Variants in TMEM132D observed in about 807,000 individuals in gnomAD.
TMEM132D encodes the protein mature OL transmembrane protein.
In TMEM132D, 21 loss-of-function variants were observed where a neutral mutation model predicts 62.3. The ratio of observed to expected loss-of-function variants is 0.34; its 90% CI spans 0.24 to 0.49. The LOEUF (loss-of-function observed/expected upper bound fraction) is 0.49, where lower values mean the gene tolerates loss of function less well. Among genes scored for constraint, TMEM132D ranks in the 20% least tolerant of loss-of-function variants. The pLI is 0.99. For synonymous variants in TMEM132D, 621 were observed against 575.6 expected, an observed-to-expected ratio of 1.08 and a Z score of -1.13; for missense variants, 1,346 against 1,402.8, an observed-to-expected ratio of 0.96 and a Z score of 0.65.
intron 2 of TMEM132D, among the ~76,000 whole-genome samples, chr12:129,643,321 G>A (rs555384004): frequency 1.6e-4 from 25 of 152,178 alleles, no homozygotes; most frequent in African/African-American, 5.3e-4. Flanking sequence ...CACCACTAGC[G>A]CAGTGTTTGG....
intron 3 of TMEM132D, among the ~76,000 whole-genome samples, chr12:129,427,705 A>C (rs1475028932): frequency 6.6e-6 from 1 of 152,090 alleles, no homozygotes; most frequent in Admixed American, 6.5e-5. Context: ...GAAGAAAGAA[A>C]ATCTTGTAAA....
chr12:129,389,211 T>A (rs1262643060), intron 3 of TMEM132D, among the ~76,000 whole-genome samples: 4 of 151,328 alleles, frequency 2.6e-5, no homozygotes, highest in Non-Finnish European at 5.9e-5. Context: ...GACTAATACA[T>A]GAACAGTAAA....
At chr12:129,543,827 T>C (rs961062310) in intron 2 of TMEM132D, among the ~76,000 whole-genome samples, 1 of 152,230 alleles carries the variant, frequency 6.6e-6, no homozygotes, top group African/African-American at 2.4e-5. Context: ...CTGCATTCTT[T>C]TTTCTACACA....
intron 5 of TMEM132D, among the ~76,000 whole-genome samples, chr12:129,187,270 G>A (rs1878245611): frequency 6.6e-6 from 1 of 152,184 alleles, no homozygotes; most frequent in Admixed American, 6.5e-5. Context: ...TATATAAGAG[G>A]TAAATCAACT....
intron 4 of TMEM132D, among the ~76,000 whole-genome samples, chr12:129,312,378 A>G (rs1881996970): frequency 6.6e-6 from 1 of 152,202 alleles, no homozygotes. Context: ...GAATATGGAA[A>G]GCATGTTATA....
chr12:129,437,895 C>T (rs1301260137), intron 3 of TMEM132D, among the ~76,000 whole-genome samples: 7 of 146,346 alleles, frequency 4.8e-5, no homozygotes, highest in African/African-American at 1.8e-4. Context: ...CCCCAGCCCC[C>T]CTCCCCCCGA....
rs534993961 is a variant in TMEM132D, at chr12:129,145,931, C to A, written c.1444-61229G>T. On this transcript the variant is annotated intron_variant, in intron 5 of 8. Coordinates refer to ENST00000422113, the MANE Select transcript of TMEM132D (RefSeq NM_133448.3). ...TAGAGACAGAAACTAAAAACCATGG[C>A]TTCAAGCGACTAAAAGCCTAAAACA... 2.6e-5 allele frequency among the ~76,000 whole-genome samples: 4 copies of A among 152,280 alleles called. No homozygotes were observed. In the East Asian group the frequency reaches 5.8e-4, roughly 22 times the overall value.
chr12:129,179,086 GACAA>G (rs1877990465), intron 5 of TMEM132D, among the ~76,000 whole-genome samples: 1 of 152,182 alleles, frequency 6.6e-6, no homozygotes, highest in Non-Finnish European at 1.5e-5. Context: ...GGGGACCGTA[GACAA>G]ACAGATGAGT....
rs1405620402 is a variant in TMEM132D, at chr12:129,827,984, T to C, written c.79+75277A>G. Among the ~76,000 whole-genome samples, 1 of 152,184 alleles carries C rather than the reference T, an allele frequency of 6.6e-6. No homozygotes were observed. Among genetic ancestry groups the C allele is most frequent in the Non-Finnish European group, 1.5e-5 (1 of 68,034 alleles). Reference sequence around the variant, plus strand: ...TAAATGTATGATAATTTATTCTAAGTAAAATGAAGTGTGCCCTAAAGACAG... The same window carrying C: ...TAAATGTATGATAATTTATTCTAAGCAAAATGAAGTGTGCCCTAAAGACAG... On this transcript the variant is annotated intron_variant, in intron 1 of 8. Coordinates refer to ENST00000422113, the MANE Select transcript of TMEM132D (RefSeq NM_133448.3). The surrounding 1 kb of genome is among the most constrained non-coding windows in gnomAD (Gnocchi z 9.7).
rs1200498858 is a variant in TMEM132D at position 129,429,760 on chromosome 12, G to A, written c.1116-91943C>T. Reference sequence around the variant, plus strand: ...TCCCCCGACCCCACAACAGGCCCCGGTGTGTGATGTTCCCCTCCCTGTGTC... The same window carrying A: ...TCCCCCGACCCCACAACAGGCCCCGATGTGTGATGTTCCCCTCCCTGTGTC... On this transcript the variant is annotated intron_variant, in intron 3 of 8. Coordinates refer to ENST00000422113, the MANE Select transcript of TMEM132D (RefSeq NM_133448.3). Among the ~76,000 whole-genome samples, 20 of 130,400 alleles carry A rather than the reference G, an allele frequency of 1.5e-4. 1 individual carries two copies. In the Admixed American group the frequency reaches 1.7e-3, roughly 11 times the overall value. 85.5% of individuals were successfully genotyped at this position (130,400 alleles called of 152,430 possible).
chr12:129,169,972 A>C lies in TMEM132D; in HGVS notation c.1443+39548T>G, dbSNP rs968979788. ...ATCAAATACACAAATGTTCTATTTC[A>C]ACAAGATCTATTTAGCACCTGCAAT... On this transcript the variant is annotated intron_variant, in intron 5 of 8. Transcript: ENST00000422113. 2.0e-5 allele frequency: 3 copies of C among 152,220 alleles called. 1 individual carries two copies. In the East Asian group the frequency reaches 5.8e-4, roughly 29 times the overall value. The allele number at this position is 152,220 out of a possible 1,614,324, so 9.4% of individuals were successfully genotyped here. A position where few individuals can be genotyped will look rare whatever the true frequency, so the allele number is the denominator to read the frequency against.
At chr12:129,776,276 A>C (rs372492756) in intron 1 of TMEM132D, among the ~76,000 whole-genome samples, 6 of 152,212 alleles carry the variant, frequency 3.9e-5, no homozygotes, top group East Asian at 1.9e-4. Context: ...ACAAGGTGAG[A>C]GTAAACACTG....
At chr12:129,209,421 C>A (rs1878958022) in intron 5 of TMEM132D, 99 bp downstream of exon 5, 1 of 1,437,090 alleles carries the variant, frequency 7.0e-7, no homozygotes, top group Middle Eastern at 1.8e-4. Context: ...CCTGTGGGAC[C>A]CAGAGGTCCC....
At chr12:129,454,692 T>C (rs1873404007) in intron 3 of TMEM132D, among the ~76,000 whole-genome samples, 1 of 152,236 alleles carries the variant, frequency 6.6e-6, no homozygotes, top group Admixed American at 6.5e-5. Context: ...TTTTTAGCTG[T>C]TGCAGGAACC....
rs147192480 is a variant in TMEM132D, at chr12:129,502,429, T to TA, written c.1115+28629dup. Reference sequence around the variant, plus strand: ...ATAGTCAGAACTGCAGCATGCTGTATAGGACTGCACATGGCAGAAGCCCAG... The same window carrying TA: ...ATAGTCAGAACTGCAGCATGCTGTATAAGGACTGCACATGGCAGAAGCCCAG... On this transcript the variant is annotated intron_variant, in intron 3 of 8. Coordinates refer to ENST00000422113, the MANE Select transcript of TMEM132D (RefSeq NM_133448.3). Among the ~76,000 whole-genome samples the TA allele has an allele frequency of 6.2e-4, 95 of 152,248 alleles. 3 individuals are homozygous for TA. In the East Asian group the frequency reaches 0.017, roughly 28 times the overall value.
chr12:129,215,744 T>C (rs1411844166), intron 4 of TMEM132D, among the ~76,000 whole-genome samples: 1 of 152,164 alleles, frequency 6.6e-6, no homozygotes, highest in African/African-American at 2.4e-5. Context: ...CTGGGTAATT[T>C]ATACAGAAAA....
chr12:129,221,832 C>T (rs565585209), intron 4 of TMEM132D, among the ~76,000 whole-genome samples: 26 of 152,238 alleles, frequency 1.7e-4, no homozygotes, highest in Non-Finnish European at 1.6e-4. Context: ...AAATAACAAA[C>T]GCTGCGACAA....
At chr12:129,323,737 T>C (rs1180779767) in intron 4 of TMEM132D, among the ~76,000 whole-genome samples, 6 of 152,198 alleles carry the variant, frequency 3.9e-5, no homozygotes, top group African/African-American at 7.2e-5. Flanking sequence ...TGGACAGGTA[T>C]GCTGGCTTCA....
At chr12:129,626,110 G>A (rs959963700) in intron 2 of TMEM132D, among the ~76,000 whole-genome samples, 6 of 151,508 alleles carry the variant, frequency 4.0e-5, no homozygotes, top group Admixed American at 6.6e-5. Context: ...AAAGCTCCAC[G>A]GTCTATTAAT....
Sources: allele counts gnomAD v4.1 joint callset (sites outside exome capture counted in the v4.1 genomes callset), GRCh38; gene constraint gnomAD v4.1.1; non-coding constraint Gnocchi (gnomAD v3.1); transcripts MANE v1.5; gene names NCBI Gene and HGNC (gene_info 2026-07-23, HGNC 2026-07-21).